Variants in ATP6V0A4 observed in about 807,000 individuals in gnomAD.
The protein encoded by ATP6V0A4 is V-type proton ATPase 116 kDa subunit a 4.
ATP6V0A4 carries 86 observed loss-of-function variants against 107.3 expected under a neutral mutation model. The observed-to-expected ratio is 0.80, with a 90% CI of 0.67 to 0.96. The LOEUF (loss-of-function observed/expected upper bound fraction) is 0.96, where lower values mean the gene tolerates loss of function less well. Among genes scored for constraint, ATP6V0A4 ranks in the 40% least tolerant of loss-of-function variants. The probability of loss-of-function intolerance (pLI) is 0.00; values close to 1 mark genes in which losing one functional copy is unlikely to be tolerated. For synonymous variants in ATP6V0A4, 353 were observed against 381.4 expected, an observed-to-expected ratio of 0.93 and a Z score of 0.87; for missense variants, 908 against 1,045.6, an observed-to-expected ratio of 0.87 and a Z score of 1.81.
Position 138,749,261 on chromosome 7 carries a change from G to A in ATP6V0A4, c.1086C>T (p.Ala362=). The A allele has an allele frequency of 6.2e-7, 1 of 1,613,946 alleles. No individual in the cohort carries two copies. Among genetic ancestry groups the A allele is most frequent in the South Asian group, 1.1e-5 (1 of 91,066 alleles). Residue 362 remains alanine, a synonymous_variant, in exon 12 of 22, where the codon GCC becomes GCT. Transcript: ENST00000310018. ...PIMTTVQSKT[A]PPTFNRTNKF... is the part of the protein sequence containing the mutation. ...TATTGGTCCTGTTAAATGTGGGAGG[G>A]GCTGTTTTAGATTGCACTGTGGTCA...
intron 18 of ATP6V0A4, among the ~76,000 whole-genome samples, chr7:138,725,668 C>G (rs1043062107): frequency 3.9e-5 from 6 of 152,056 alleles, no homozygotes; most frequent in African/African-American, 1.4e-4. Context: ...CACTCACCAC[C>G]ACGCCGGCTA....
Position 138,786,156 on chromosome 7 carries a change from AC to A in ATP6V0A4, c.-18+1del, listed in dbSNP as rs949604743. 6.6e-6 allele frequency: 1 copy of A among 152,532 alleles called. No homozygotes were observed. Among genetic ancestry groups the A allele is most frequent in the Admixed American group, 6.5e-5 (1 of 15,280 alleles). 9.4% of individuals were successfully genotyped at this position (152,532 alleles called of 1,614,324 possible). On this transcript the variant is annotated splice_donor_variant, in intron 2 of 21. Transcript: ENST00000310018. LOFTEE classifies it low-confidence loss of function (5UTR_SPLICE). The stretch of plus-strand genomic sequence containing the variant: ...GCTTCCCTCTTCTCCACCTCAGCGT[AC>A]CTTGGCTGTGTCTCTCTCTCTTCTT...
Position 138,708,453 on chromosome 7 carries a change from A to G in ATP6V0A4, c.2429+1171T>C, listed in dbSNP as rs184604813. Among the ~76,000 whole-genome samples the G allele has an allele frequency of 3.2e-4, 48 of 152,296 alleles. 3 individuals carry two copies. Among genetic ancestry groups the G allele is most frequent in the African/African-American group, 1.1e-3 (46 of 41,576 alleles). On this transcript the variant is annotated intron_variant, in intron 21 of 21. Transcript: ENST00000310018. ...GATGCTGTGGCTCTCCTCACTCAGT[A>G]CATGAAGTGCAAAGGCTTCTTTATG...
intron 12 of ATP6V0A4, 48 bp from the exon 13 acceptor site, chr7:138,747,612 G>A (rs1806020560): frequency 1.2e-6 from 2 of 1,605,282 alleles, no homozygotes; most frequent in Non-Finnish European, 8.5e-7. Flanking sequence ...ACAGCCTCGG[G>A]GCCCCCACCT....
chr7:138,741,005 G>A (rs559768214), intron 14 of ATP6V0A4, among the ~76,000 whole-genome samples: 49 of 151,958 alleles, frequency 3.2e-4, no homozygotes, highest in Middle Eastern at 6.8e-3. Flanking sequence ...TTAGTTGGGC[G>A]TGGTGCCACA....
Position 138,718,697 on chromosome 7 carries a change from CGGATGT to C in ATP6V0A4, c.2140-2822_2140-2817del, listed in dbSNP as rs1562981295. Among the ~76,000 whole-genome samples the C allele has an allele frequency of 1.4e-4, 19 of 134,512 alleles. 1 individual carries two copies. Among genetic ancestry groups the C allele is most frequent in the Non-Finnish European group, 1.3e-4 (8 of 62,474 alleles). 88.2% of individuals were successfully genotyped at this position (134,512 alleles called of 152,430 possible). ...GGGGCGGGGGGGGGGGGTGCAGTCA[CGGATGT>C]CTGCGGAGGGAGACGTCCAGGAAGG... is the stretch of plus-strand genomic sequence containing the variant. On this transcript the variant is annotated intron_variant, in intron 19 of 21. Transcript: ENST00000310018.
intron 7 of ATP6V0A4, among the ~76,000 whole-genome samples, chr7:138,760,391 C>T (rs1584933037): frequency 7.4e-6 from 1 of 135,844 alleles, no homozygotes; most frequent in Non-Finnish European, 1.5e-5. Context: ...TGCAGTGAGC[C>T]AAGAATGTGC....
At chr7:138,725,164 C>G (rs1804644183) in intron 18 of ATP6V0A4, among the ~76,000 whole-genome samples, 1 of 152,128 alleles carries the variant, frequency 6.6e-6, no homozygotes, top group African/African-American at 2.4e-5. Flanking sequence ...CCCAGCTACT[C>G]AGGAGGCTGA....
intron 11 of ATP6V0A4, among the ~76,000 whole-genome samples, chr7:138,751,112 C>T (rs1465774416): frequency 6.6e-6 from 1 of 152,184 alleles, no homozygotes; most frequent in Non-Finnish European, 1.5e-5. Context: ...CAGCTAGTTC[C>T]CCATCGGCCA....
At chr7:138,772,346 A>G (rs961564163) in intron 2 of ATP6V0A4, among the ~76,000 whole-genome samples, 2 of 152,236 alleles carry the variant, frequency 1.3e-5, no homozygotes, top group African/African-American at 4.8e-5. Flanking sequence ...CTAGATATCC[A>G]TCATTAGGGG....
intron 2 of ATP6V0A4, among the ~76,000 whole-genome samples, chr7:138,775,691 C>T (rs1335557488): frequency 1.4e-5 from 2 of 146,164 alleles, no homozygotes; most frequent in Non-Finnish European, 3.0e-5. Context: ...CGCTCTGTCG[C>T]CCAGGCTGGA....
chr7:138,740,627 A>G (rs1484056866), intron 14 of ATP6V0A4, among the ~76,000 whole-genome samples: 5 of 149,180 alleles, frequency 3.4e-5, no homozygotes, highest in African/African-American at 4.9e-5. Flanking sequence ...TTTTTAGTAG[A>G]GATGGGGTTT....
Position 138,763,134 on chromosome 7 carries a change from CAT to C in ATP6V0A4, c.292-111_292-110del, listed in dbSNP as rs1806912252. 5 of 1,506,518 alleles carry C rather than the reference CAT, an allele frequency of 3.3e-6. No homozygotes were observed. In the Admixed American group the frequency reaches 7.9e-5, roughly 24 times the overall value. 93.3% of individuals were successfully genotyped at this position (1,506,518 alleles called of 1,614,324 possible). On this transcript the variant is annotated intron_variant, in intron 5 of 21. Transcript: ENST00000310018. ...AAAAATCAAAGGAATCAGCACATAA[CAT>C]GATTGCAGACCCTAATACACATACA...
chr7:138,730,777 T>C (rs1275997231), intron 17 of ATP6V0A4, among the ~76,000 whole-genome samples: 2 of 152,138 alleles, frequency 1.3e-5, no homozygotes, highest in Non-Finnish European at 2.9e-5. Flanking sequence ...ACCTTCAAAA[T>C]ACGTTCAGTT....
chr7:138,763,189 A>C (rs970515432), intron 5 of ATP6V0A4, 164 bp from the exon 6 acceptor site: 2 of 256,704 alleles, frequency 7.8e-6, no homozygotes, highest in Non-Finnish European at 5.6e-6. Context: ...ACACACAGAC[A>C]CACACACACA....
intron 2 of ATP6V0A4, among the ~76,000 whole-genome samples, chr7:138,779,090 C>G (rs1198072262): frequency 6.6e-6 from 1 of 152,130 alleles, no homozygotes; most frequent in Non-Finnish European, 1.5e-5. Context: ...CCTATAATCC[C>G]AGCATTTTGG....
At chr7:138,728,250 G>A (rs1015541292) in intron 18 of ATP6V0A4, among the ~76,000 whole-genome samples, 10 of 151,994 alleles carry the variant, frequency 6.6e-5, no homozygotes, top group African/African-American at 7.2e-5. Context: ...TTTTGAGACG[G>A]TTTTTCGCCC....
At chr7:138,728,959 CTTTAT>C (rs1804851545) in intron 17 of ATP6V0A4, 97 bp from the exon 18 acceptor site, 10 of 1,601,560 alleles carry the variant, frequency 6.2e-6, no homozygotes, top group Non-Finnish European at 7.7e-6. Flanking sequence ...TTCACTAGCA[CTTTAT>C]TTTGAGAGAT....
chr7:138,727,512 A>C (rs2117225784), intron 18 of ATP6V0A4, among the ~76,000 whole-genome samples: 1 of 152,222 alleles, frequency 6.6e-6, no homozygotes, highest in Non-Finnish European at 1.5e-5. Flanking sequence ...TAAGCTTTGG[A>C]ACGAGTTCGG....
Sources: allele counts gnomAD v4.1 joint callset (sites outside exome capture counted in the v4.1 genomes callset), GRCh38; gene constraint gnomAD v4.1.1; transcripts MANE v1.5; gene names NCBI Gene and HGNC (gene_info 2026-07-23, HGNC 2026-07-21).